FRMPD1: variants seen among roughly 807,000 people sequenced by gnomAD.
FRMPD1 encodes FERM and PDZ domain-containing protein 1.
A neutral mutation model predicts 117.8 loss-of-function variants in FRMPD1; 76 were observed. The observed-to-expected ratio is 0.65, with a 90% CI of 0.54 to 0.78. The LOEUF (loss-of-function observed/expected upper bound fraction) is 0.78, where lower values mean the gene tolerates loss of function less well. Among genes scored for constraint, FRMPD1 ranks in the 30% least tolerant of loss-of-function variants. The pLI, the probability that FRMPD1 is intolerant of heterozygous loss-of-function variation, is 0.00. For synonymous variants in FRMPD1, 783 were observed against 770.4 expected (o/e 1.02, Z -0.27); for missense variants, 1,786 against 1,964.5 (o/e 0.91, Z 1.72).
chr9:37,697,660 A>G (rs943560317), intron 2 of FRMPD1, among the ~76,000 whole-genome samples: 1 of 152,240 alleles, frequency 6.6e-6, no homozygotes, highest in African/African-American at 2.4e-5. Flanking sequence ...ATGCAATGCA[A>G]ACTGCTTAAT....
In FRMPD1 at chr9:37,744,752, C is replaced by A. The variant is rs148208648; in HGVS notation, c.2720C>A (p.Pro907His). 249 of 1,614,010 alleles carry A rather than the reference C, an allele frequency of 1.5e-4. No individual in the cohort carries two copies. Among genetic ancestry groups the A allele is most frequent in the Non-Finnish European group, 2.0e-4 (238 of 1,180,036 alleles). ...LETKALGLLA[P>H]LRETKSTNPA... is the part of the protein sequence containing the mutation. ...ACCAAGGCCTTGGGGCTGCTGGCTC[C>A]TCTGAGGGAGACCAAGAGCACAAAC... The change falls in exon 16 of 16, where the codon CCT (proline) becomes CAT (histidine). Residue 907 changes from proline (P) to histidine (H), a missense_variant. Transcript: ENST00000377765.
At chr9:37,640,393 C>T in the FRMPD1 span, among the ~76,000 whole-genome samples, 172 of 152,332 alleles carry the variant, frequency 1.1e-3, no homozygotes, top group African/African-American at 3.6e-3. Context: ...TGACCATTCT[C>T]TGGGCACAGA....
chr9:37,640,286 G>A, the FRMPD1 span, among the ~76,000 whole-genome samples: 9 of 152,226 alleles, frequency 5.9e-5, no homozygotes, highest in African/African-American at 1.9e-4. Context: ...TTCTATGCCT[G>A]TTCCTGGTAG....
At chr9:37,668,822 T>G (rs1821253049) in intron 1 of FRMPD1, among the ~76,000 whole-genome samples, 1 of 152,222 alleles carries the variant, frequency 6.6e-6, no homozygotes, top group South Asian at 2.1e-4. Flanking sequence ...CTTCTCAAAT[T>G]TAACTGGTAA....
intron 7 of FRMPD1, 93 bp downstream of exon 7, chr9:37,724,413 T>A: frequency 3.0e-6 from 2 of 676,304 alleles, no homozygotes. Context: ...GCCTTGGTGG[T>A]CTCACAAACA....
At position 37,746,792 on chromosome 9, in the gene FRMPD1, T is replaced by A. The variant is rs527422974; in HGVS notation, c.*23T>A. ...TAAACAGGTCAACGGCCCAAGGGCC[T>A]CCTGCCCTGTCCTGCCTTGGACACT... On this transcript the variant is annotated 3_prime_UTR_variant, in exon 16 of 16. Transcript: ENST00000377765. The A allele has an allele frequency of 6.6e-7, 1 of 1,518,292 alleles. No individual in the cohort carries two copies. The highest frequency in any genetic ancestry group is 1.1e-5 in the South Asian group (1 of 88,418). The allele number at this position is 1,518,292 out of a possible 1,614,324, so 94.1% of individuals were successfully genotyped here. A position where few individuals can be genotyped will look rare whatever the true frequency, so the allele number is the denominator to read the frequency against.
chr9:37,616,565 A>G, the FRMPD1 span, among the ~76,000 whole-genome samples: 2,091 of 152,350 alleles, frequency 0.014, 63 homozygotes, highest in Admixed American at 0.082. Context: ...TGCACCATGA[A>G]AAAGAACAGA....
chr9:37,609,722 C>A, the FRMPD1 span, among the ~76,000 whole-genome samples: 2 of 149,550 alleles, frequency 1.3e-5, no homozygotes, highest in East Asian at 3.9e-4. Flanking sequence ...CCATCTGACT[C>A]AGAGTGGAAA....
chr9:37,700,486 T>C (rs543528114), intron 2 of FRMPD1, among the ~76,000 whole-genome samples: 1 of 152,368 alleles, frequency 6.6e-6, no homozygotes, highest in East Asian at 1.9e-4. Flanking sequence ...TAAACATAGA[T>C]TCAAAATTGT....
chr9:37,621,034 C>T, the FRMPD1 span, among the ~76,000 whole-genome samples: 1 of 152,098 alleles, frequency 6.6e-6, no homozygotes, highest in Non-Finnish European at 1.5e-5. Flanking sequence ...AAAACATTTT[C>T]TCACATGTAT....
At chr9:37,702,279 C>T (rs1183028824) in intron 2 of FRMPD1, among the ~76,000 whole-genome samples, 2 of 152,134 alleles carry the variant, frequency 1.3e-5, no homozygotes, top group Non-Finnish European at 2.9e-5. Flanking sequence ...TTTATTTGCC[C>T]AATAAGCACT....
intron 14 of FRMPD1, among the ~76,000 whole-genome samples, chr9:37,737,641 T>C (rs2118451565): frequency 6.6e-6 from 1 of 152,076 alleles, no homozygotes; most frequent in Non-Finnish European, 1.5e-5. Context: ...CTGGCCAACA[T>C]GGTGAAACCT....
At chr9:37,717,976 ACTT>A (rs1213292577) in intron 5 of FRMPD1, among the ~76,000 whole-genome samples, 2 of 152,112 alleles carry the variant, frequency 1.3e-5, no homozygotes, top group South Asian at 2.1e-4. Flanking sequence ...CTACAGGTGT[ACTT>A]CTTCTCTGCA....
At chr9:37,627,492 A>T in the FRMPD1 span, among the ~76,000 whole-genome samples, 1 of 152,176 alleles carries the variant, frequency 6.6e-6, no homozygotes, top group African/African-American at 2.4e-5. Context: ...TTTTTGAGAC[A>T]GTGCTAAACC....
chr9:37,702,364 T>C (rs959113069), intron 2 of FRMPD1, among the ~76,000 whole-genome samples: 2 of 152,250 alleles, frequency 1.3e-5, no homozygotes, highest in African/African-American at 2.4e-5. Flanking sequence ...GGTTCCTGTT[T>C]CCAAGGAATA....
At chr9:37,648,910 G>A (rs943116870), upstream of FRMPD1, among the ~76,000 whole-genome samples, 3 of 152,168 alleles carry the variant, frequency 2.0e-5, no homozygotes, top group African/African-American at 7.2e-5. Flanking sequence ...CTGAAACCAT[G>A]CAGCTGATAG....
the FRMPD1 span, among the ~76,000 whole-genome samples, chr9:37,630,763 G>T: frequency 6.6e-5 from 10 of 152,238 alleles, no homozygotes; most frequent in South Asian, 2.1e-4. Flanking sequence ...TGTGCATCCC[G>T]GTTTAGGCAT....
chr9:37,642,150 C>A, the FRMPD1 span, among the ~76,000 whole-genome samples: 1 of 152,168 alleles, frequency 6.6e-6, no homozygotes, highest in Non-Finnish European at 1.5e-5. Flanking sequence ...GGTAGCAGAA[C>A]CCTCCCAGAT....
At chr9:37,731,173 C>T (rs906267351) in intron 9 of FRMPD1, 70 bp downstream of exon 9, 56 of 1,449,492 alleles carry the variant, frequency 3.9e-5, no homozygotes, top group Middle Eastern at 1.9e-4. Flanking sequence ...TGATTTTGAA[C>T]GTGAGCTCGA....
Sources: gnomAD v4.1 joint callset for allele counts (sites outside exome capture counted in the v4.1 genomes callset) on GRCh38, gnomAD v4.1.1 for gene constraint, MANE v1.5 for transcripts, NCBI Gene and HGNC (gene_info 2026-07-23, HGNC 2026-07-21) for gene names.